PPP1R9A: variants seen among roughly 807,000 people sequenced by gnomAD.
PPP1R9A encodes neurabin-1.
In PPP1R9A, 59 loss-of-function variants were observed where a neutral mutation model predicts 141.9. That is an observed-to-expected ratio of 0.42 (90% confidence interval 0.34 to 0.52). PPP1R9A has a LOEUF of 0.52. Among genes scored for constraint, PPP1R9A ranks in the 20% least tolerant of loss-of-function variants. The pLI is 0.10. For missense variants in PPP1R9A, 1,444 were observed against 1,611.9 expected (o/e 0.90, Z 1.78); for synonymous variants, 500 against 569.7 (o/e 0.88, Z 1.74).
At chr7:95,250,582 C>T (rs976647265) in intron 10 of PPP1R9A, among the ~76,000 whole-genome samples, 3 of 152,228 alleles carry the variant, frequency 2.0e-5, no homozygotes, top group East Asian at 1.9e-4. Flanking sequence ...ACAAGAAGCC[C>T]AGCGGAAAGT....
intron 16 of PPP1R9A, among the ~76,000 whole-genome samples, chr7:95,277,501 C>T (rs1406255068): frequency 6.6e-6 from 1 of 152,148 alleles, no homozygotes; most frequent in Non-Finnish European, 1.5e-5. Context: ...ACAATCACAG[C>T]TCATTGCAGC....
At chr7:94,970,092 G>A (rs1056523346) in intron 2 of PPP1R9A, among the ~76,000 whole-genome samples, 1 of 152,138 alleles carries the variant, frequency 6.6e-6, no homozygotes, top group Non-Finnish European at 1.5e-5. Context: ...GCTCCATGGG[G>A]GTGGGATCCA....
chr7:95,217,755 C>T (rs981047960), intron 7 of PPP1R9A, among the ~76,000 whole-genome samples: 11 of 152,190 alleles, frequency 7.2e-5, no homozygotes, highest in Middle Eastern at 3.4e-3. Flanking sequence ...AGTTTATTTG[C>T]GTAGATGTGT....
chr7:95,291,427 C>A lies in PPP1R9A; in HGVS notation c.*1124C>A, dbSNP rs1739565363. On this transcript the variant is annotated 3_prime_UTR_variant, in exon 20 of 20. Transcript: ENST00000433360. ...AGAGATTTTGAATGGTTTTTCCGAA[C>A]CATTCCTTTCCATACTTCAAAGATT... 1 of 152,178 alleles carries A rather than the reference C, an allele frequency of 6.6e-6. No individual in the cohort carries two copies. The highest frequency in any genetic ancestry group is 2.4e-5 in the African/African-American group (1 of 41,436). 9.4% of individuals were successfully genotyped at this position (152,178 alleles called of 1,614,324 possible).
chr7:94,931,415 A>G (rs918219807), intron 2 of PPP1R9A, among the ~76,000 whole-genome samples: 2 of 152,232 alleles, frequency 1.3e-5, no homozygotes. Flanking sequence ...TTCCGGAAAC[A>G]GATATCATAT....
intron 2 of PPP1R9A, among the ~76,000 whole-genome samples, chr7:95,042,036 CTA>C (rs1809317153): frequency 6.6e-6 from 1 of 152,068 alleles, no homozygotes; most frequent in Admixed American, 6.6e-5. Context: ...GGAGAGGGTC[CTA>C]CCATCCATCT....
At chr7:95,118,187 A>G (rs1821858257) in intron 3 of PPP1R9A, among the ~76,000 whole-genome samples, 1 of 152,204 alleles carries the variant, frequency 6.6e-6, no homozygotes, top group African/African-American at 2.4e-5. Context: ...TCATGTACAC[A>G]ACAAATCTCT....
chr7:95,170,261 G>A (rs1480713579), intron 5 of PPP1R9A, among the ~76,000 whole-genome samples: 3 of 151,706 alleles, frequency 2.0e-5, no homozygotes, highest in East Asian at 1.9e-4. Flanking sequence ...ACTAATATAC[G>A]CTTTTGGAAT....
At chr7:95,019,538 T>C (rs1352191951) in intron 2 of PPP1R9A, among the ~76,000 whole-genome samples, 1 of 152,198 alleles carries the variant, frequency 6.6e-6, no homozygotes, top group African/African-American at 2.4e-5. Flanking sequence ...ATATATAAAG[T>C]ACTCTTTCCA....
At chr7:95,173,061 A>T (rs1301483209) in intron 5 of PPP1R9A, among the ~76,000 whole-genome samples, 1 of 151,968 alleles carries the variant, frequency 6.6e-6, no homozygotes, top group East Asian at 1.9e-4. Flanking sequence ...CAGTATATAT[A>T]AAAATTAACT....
intron 2 of PPP1R9A, among the ~76,000 whole-genome samples, chr7:94,970,880 GC>G (rs1324451075): frequency 6.6e-6 from 1 of 152,000 alleles, no homozygotes; most frequent in Non-Finnish European, 1.5e-5. Context: ...TCTAACCATG[GC>G]TTTAGTATTT....
chr7:94,991,689 C>T (rs1484889070), intron 2 of PPP1R9A, among the ~76,000 whole-genome samples: 1 of 152,050 alleles, frequency 6.6e-6, no homozygotes, highest in Non-Finnish European at 1.5e-5. Context: ...CTCGCTCTGT[C>T]ACCCAGGGCT....
At chr7:95,130,130 C>T (rs915605477) in intron 4 of PPP1R9A, among the ~76,000 whole-genome samples, 2 of 152,252 alleles carry the variant, frequency 1.3e-5, no homozygotes, top group Admixed American at 1.3e-4. Context: ...TTCAGGGCAG[C>T]CCCTCCCATC....
rs76422726 is a variant in PPP1R9A at position 95,060,156 on chromosome 7, A to G, written c.1396-51103A>G. ...GTAAGTACCATAGTGCCTTCACTCTAATGGAGCTATAGCCCTGCCTTTCAT... is the reference window on the plus strand; with the variant it reads ...GTAAGTACCATAGTGCCTTCACTCTGATGGAGCTATAGCCCTGCCTTTCAT... On this transcript the variant is annotated intron_variant, in intron 2 of 19. Transcript: ENST00000433360. Among the ~76,000 whole-genome samples, 239 of 152,268 alleles carry G rather than the reference A, an allele frequency of 1.6e-3. 10 individuals carry two copies. The East Asian group carries it at 0.043, about 28-fold the overall frequency.
chr7:95,068,139 TAAG>T (rs1813220004), intron 2 of PPP1R9A, among the ~76,000 whole-genome samples: 1 of 151,924 alleles, frequency 6.6e-6, no homozygotes, highest in Non-Finnish European at 1.5e-5. Context: ...CAGCGCCTAT[TAAG>T]AAGTAACGAC....
chr7:95,026,880 C>T (rs1324335852), intron 2 of PPP1R9A, among the ~76,000 whole-genome samples: 1 of 152,106 alleles, frequency 6.6e-6, no homozygotes, highest in Non-Finnish European at 1.5e-5. Context: ...TTTGTTTACA[C>T]TGTGAGGGGA....
intron 4 of PPP1R9A, among the ~76,000 whole-genome samples, chr7:95,130,055 A>T (rs1355686705): frequency 6.6e-6 from 1 of 152,192 alleles, no homozygotes; most frequent in Admixed American, 6.5e-5. Flanking sequence ...TGCACAAGTA[A>T]TAAGTAGCTG....
intron 4 of PPP1R9A, among the ~76,000 whole-genome samples, chr7:95,142,736 A>C (rs1245145626): frequency 2.0e-5 from 3 of 152,092 alleles, no homozygotes; most frequent in Admixed American, 6.5e-5. Flanking sequence ...GAATTTGAGG[A>C]ACACATAGAG....
chr7:94,954,431 C>T (rs1274769833), intron 2 of PPP1R9A, among the ~76,000 whole-genome samples: 3 of 151,764 alleles, frequency 2.0e-5, no homozygotes, highest in East Asian at 1.9e-4. Context: ...ACTTATATGC[C>T]ATTTCCTTAT....
Sources: gnomAD v4.1 joint callset for allele counts (sites outside exome capture counted in the v4.1 genomes callset) on GRCh38, gnomAD v4.1.1 for gene constraint, MANE v1.5 for transcripts, NCBI Gene and HGNC (gene_info 2026-07-23, HGNC 2026-07-21) for gene names.